SUPT20H: variants seen among roughly 807,000 people sequenced by gnomAD.
The protein encoded by SUPT20H is transcription factor SPT20 homolog.
SUPT20H carries 82 observed loss-of-function variants against 122.8 expected under a neutral mutation model. The ratio of observed to expected loss-of-function variants is 0.67; its 90% CI spans 0.56 to 0.80. The LOEUF (loss-of-function observed/expected upper bound fraction) is 0.80. Ranked by LOEUF, SUPT20H falls within the 30% of genes least tolerant of loss-of-function variation. The pLI is 0.00. For synonymous variants in SUPT20H, 291 were observed against 313.0 expected, an observed-to-expected ratio of 0.93 and a Z score of 0.74; for missense variants, 831 against 921.6, an observed-to-expected ratio of 0.90 and a Z score of 1.27.
At chr13:37,031,104 AT>A (rs2063220413) in intron 12 of SUPT20H, among the ~76,000 whole-genome samples, 1 of 152,098 alleles carries the variant, frequency 6.6e-6, no homozygotes, top group Admixed American at 6.5e-5. Flanking sequence ...ATACAACCCA[AT>A]GTTCCTAATC....
At chr13:37,042,397 A>C (rs2065644696) in intron 7 of SUPT20H, among the ~76,000 whole-genome samples, 1 of 152,218 alleles carries the variant, frequency 6.6e-6, no homozygotes, top group Non-Finnish European at 1.5e-5. Context: ...AAAACCCATG[A>C]AACTGGCTGA....
intron 5 of SUPT20H, among the ~76,000 whole-genome samples, chr13:37,045,718 A>G (rs2066304940): frequency 6.6e-6 from 1 of 152,208 alleles, no homozygotes; most frequent in African/African-American, 2.4e-5. Context: ...ATGCAAATAT[A>G]TAAAACACAG....
At chr13:37,058,514 G>A (rs1199964) in intron 1 of SUPT20H, among the ~76,000 whole-genome samples, 10,913 of 152,150 alleles carry the variant, frequency 0.072, 1,327 homozygotes, top group African/African-American at 0.25. Flanking sequence ...AATTGGGGAT[G>A]GGGGCTTACT....
chr13:37,020,520 A>T (rs1436455592), intron 21 of SUPT20H, among the ~76,000 whole-genome samples: 1 of 152,198 alleles, frequency 6.6e-6, no homozygotes, highest in Non-Finnish European at 1.5e-5. Context: ...AACTGAAGCC[A>T]CATGTAACTG....
chr13:37,033,215 T>A (rs890466535), intron 10 of SUPT20H, among the ~76,000 whole-genome samples: 7 of 150,440 alleles, frequency 4.7e-5, no homozygotes, highest in South Asian at 2.1e-4. Flanking sequence ...AAAAAAAAAA[T>A]CAGAGGCTGG....
intron 9 of SUPT20H, among the ~76,000 whole-genome samples, chr13:37,035,261 T>C (rs1434131734): frequency 6.6e-6 from 1 of 152,190 alleles, no homozygotes; most frequent in Admixed American, 6.5e-5. Context: ...GGATGTGCCA[T>C]TGTAGATGAC....
intron 5 of SUPT20H, among the ~76,000 whole-genome samples, chr13:37,046,554 A>G (rs2066471057): frequency 6.6e-6 from 1 of 152,188 alleles, no homozygotes; most frequent in Admixed American, 6.6e-5. Flanking sequence ...ATGGGTTCCA[A>G]TAAAAATTCA....
chr13:37,048,454 C>A, intron 3 of SUPT20H, 110 bp downstream of exon 3: 1 of 963,338 alleles, frequency 1.0e-6, no homozygotes, highest in South Asian at 2.1e-5. Flanking sequence ...CATACTTGTC[C>A]TAAAATAGTA....
intron 7 of SUPT20H, 32 bp downstream of exon 7, chr13:37,044,046 A>G: frequency 7.0e-7 from 1 of 1,428,088 alleles, no homozygotes. Context: ...TATAACAAAT[A>G]TAAAGACATT....
At chr13:37,049,676 T>C (rs1446519407) in intron 2 of SUPT20H, among the ~76,000 whole-genome samples, 1 of 151,976 alleles carries the variant, frequency 6.6e-6, no homozygotes, top group Non-Finnish European at 1.5e-5. Context: ...GAGGCAGAGG[T>C]TGCAGTGAGC....
rs775268441 is a variant in SUPT20H, at chr13:37,028,130, G to A, written c.1151+18C>T. 1 of 1,530,598 alleles carries A rather than the reference G, an allele frequency of 6.5e-7. No individual in the cohort carries two copies. Among genetic ancestry groups the A allele is most frequent in the Non-Finnish European group, 8.7e-7 (1 of 1,143,488 alleles). The allele number at this position is 1,530,598 out of a possible 1,614,324, so 94.8% of individuals were successfully genotyped here. On this transcript the variant is annotated intron_variant, in intron 14 of 25. Transcript: ENST00000350612. Reference sequence around the variant, plus strand: ...CTTATTTTTTTTTTTCCAGTTACTTGTATTTAACAGAACTCACTGTGATGG... The same window carrying A: ...CTTATTTTTTTTTTTCCAGTTACTTATATTTAACAGAACTCACTGTGATGG...
intron 12 of SUPT20H, among the ~76,000 whole-genome samples, chr13:37,030,785 A>G (rs1424335784): frequency 6.6e-6 from 1 of 152,222 alleles, no homozygotes; most frequent in African/African-American, 2.4e-5. Context: ...TTATCAGGCC[A>G]TGTTCCTTGA....
chr13:37,048,504 A>G, intron 3 of SUPT20H, 60 bp downstream of exon 3: 1 of 1,471,878 alleles, frequency 6.8e-7, no homozygotes, highest in Non-Finnish European at 9.1e-7. Context: ...ATCTCTTAAA[A>G]CTGAGCTTTT....
intron 2 of SUPT20H, among the ~76,000 whole-genome samples, chr13:37,049,783 TACC>T (rs1267139590): frequency 6.6e-6 from 1 of 152,120 alleles, no homozygotes; most frequent in Non-Finnish European, 1.5e-5. Flanking sequence ...AACCCAAATA[TACC>T]ACCAGTGGTT....
chr13:37,031,945 T>C (rs755033556), intron 10 of SUPT20H, 50 bp from the exon 11 acceptor site: 3 of 1,490,630 alleles, frequency 2.0e-6, no homozygotes, highest in East Asian at 4.6e-5. Context: ...AAGAAACTCA[T>C]AATATATGTG....
At chr13:37,058,507 T>C (rs942229243) in intron 1 of SUPT20H, among the ~76,000 whole-genome samples, 1 of 152,182 alleles carries the variant, frequency 6.6e-6, no homozygotes, top group Non-Finnish European at 1.5e-5. Flanking sequence ...GTCACTAAAT[T>C]GGGGATGGGG....
In SUPT20H at chr13:37,022,090, T is replaced by C. The variant is rs764363408; in HGVS notation, c.1592-10A>G. 7 of 1,614,120 alleles carry C rather than the reference T, an allele frequency of 4.3e-6. No homozygotes were observed. The highest frequency in any genetic ancestry group is 2.2e-5 in the South Asian group (2 of 91,082). ...TGGGTGGCCGTGGTTCCTGGAGTTA[T>C]AGATGTTACCATGGTGGAAAGAGGA... On this transcript the variant is annotated splice_polypyrimidine_tract_variant and intron_variant, in intron 19 of 25. Transcript: ENST00000350612. The surrounding 1 kb of genome is among the most constrained non-coding windows in gnomAD (Gnocchi z 4.5).
chr13:37,011,606 AAGTT>A (rs1195794795), intron 24 of SUPT20H, among the ~76,000 whole-genome samples: 2 of 152,150 alleles, frequency 1.3e-5, no homozygotes, highest in Non-Finnish European at 2.9e-5. Flanking sequence ...AACTGACAGG[AAGTT>A]AGAATTATCG....
chr13:37,019,239 AACAG>A, intron 22 of SUPT20H, 99 bp downstream of exon 22: 1 of 815,694 alleles, frequency 1.2e-6, no homozygotes. Context: ...GAAGAATCTA[AACAG>A]ACCTCAGAAT....
Sources: allele counts gnomAD v4.1 joint callset (sites outside exome capture counted in the v4.1 genomes callset), GRCh38; gene constraint gnomAD v4.1.1; non-coding constraint Gnocchi (gnomAD v3.1); transcripts MANE v1.5; gene names NCBI Gene and HGNC (gene_info 2026-07-23, HGNC 2026-07-21).